The following TARM1 variants were observed in gnomAD, a reference collection of about 807,000 sequenced individuals.
TARM1 encodes T cell-interacting, activating receptor on myeloid cells 1.
TARM1 carries 24 observed loss-of-function variants against 30.4 expected under a neutral mutation model. The ratio of observed to expected loss-of-function variants is 0.79; its 90% CI spans 0.57 to 1.11. The LOEUF (loss-of-function observed/expected upper bound fraction) is 1.11, where lower values mean the gene tolerates loss of function less well. Ranked by LOEUF, TARM1 falls within the 50% of genes least tolerant of loss-of-function variation. The probability of loss-of-function intolerance (pLI) is 0.00; values close to 1 mark genes in which losing one functional copy is unlikely to be tolerated. For synonymous variants in TARM1, 129 were observed against 138.9 expected (o/e 0.93, Z 0.50); for missense variants, 323 against 332.8 (o/e 0.97, Z 0.23).
At position 54,070,102 on chromosome 19, in the gene TARM1, C is replaced by G; in HGVS notation, c.717G>C (p.Leu239=). The change falls in exon 5 of 5, where the codon CTG becomes CTC. Residue 239 remains leucine, a synonymous_variant. Transcript: ENST00000432826. ...YSLGNFVRLG[L]AAVIVVIMGA... Reference sequence around the variant, plus strand: ...CCATGATAACCACAATTACGGCAGCCAGACCCAGTCGTACGAAGTTACCCA... The same window carrying G: ...CCATGATAACCACAATTACGGCAGCGAGACCCAGTCGTACGAAGTTACCCA... The G allele has an allele frequency of 6.4e-7, 1 of 1,551,646 alleles. No homozygotes were observed. The highest frequency in any genetic ancestry group is 8.7e-7 in the Non-Finnish European group (1 of 1,146,990).
At chr19:54,080,319 A>G (rs779308897) in intron 1 of TARM1, among the ~76,000 whole-genome samples, 19 of 150,054 alleles carry the variant, frequency 1.3e-4, no homozygotes, top group East Asian at 4.0e-4. Context: ...AAAGCCGGGC[A>G]TGGTGGCGGG....
intron 4 of TARM1, 72 bp from the exon 5 acceptor site, chr19:54,070,232 T>G (rs1232410548): frequency 3.3e-6 from 5 of 1,496,230 alleles, no homozygotes; most frequent in Non-Finnish European, 3.6e-6. Context: ...CCACCAAATC[T>G]GACTATCATC....
In TARM1 at chr19:54,075,879, T is replaced by C; in HGVS notation, c.70+4A>G. 6.4e-7 allele frequency: 1 copy of C among 1,551,072 alleles called. No homozygotes were observed. On this transcript the variant is annotated splice_donor_region_variant and intron_variant, in intron 2 of 4. Transcript: ENST00000432826. ...AAGGAGGGTGTAGTTGAAGAAACAC[T>C]CACCATCTCCCCTTGTGTCTCCTTG...
chr19:54,074,713 C>T, intron 3 of TARM1, 111 bp downstream of exon 3: 1 of 1,168,644 alleles, frequency 8.6e-7, no homozygotes, highest in Non-Finnish European at 1.2e-6. Flanking sequence ...CTCTCCCTCT[C>T]CCACCACCCC....
intron 1 of TARM1, 109 bp downstream of exon 1, chr19:54,081,198 C>A (rs971432432): frequency 9.6e-7 from 1 of 1,042,702 alleles, no homozygotes; most frequent in African/African-American, 1.6e-5. Flanking sequence ...TCACTCCTCC[C>A]GTGTGCTCAG....
chr19:54,080,992 AAATAAAAT>A (rs1239408553), intron 1 of TARM1, among the ~76,000 whole-genome samples: 2 of 152,020 alleles, frequency 1.3e-5, no homozygotes, highest in Non-Finnish European at 2.9e-5. Context: ...AAATAAAATA[AAATAAAAT>A]AAGGTTTCTA....
chr19:54,079,092 TAA>T (rs1162488725), intron 1 of TARM1, among the ~76,000 whole-genome samples: 3,198 of 102,428 alleles, frequency 0.031, 151 homozygotes, highest in African/African-American at 0.11. Flanking sequence ...TTGTCTCTAC[TAA>T]AAAAAAAAAA....
rs2071885838 is a variant in TARM1 at position 54,074,185 on chromosome 19, G to A, written c.393C>T (p.Tyr131=). The A allele has an allele frequency of 1.9e-6, 3 of 1,551,534 alleles. No homozygotes were observed. ...CACCTGCGGTCACTGTACCCCTTTG[G>A]TAGGTTCGGAGGAAAGGTTTAGATA... ...GHLSKPFLRT[Y]QRGTVTAGGR... Residue 131 remains tyrosine, a synonymous_variant, in exon 4 of 5, where the codon TAC becomes TAT. Transcript: ENST00000432826.
chr19:54,081,332 A>G lies in TARM1; in HGVS notation c.9T>C (p.Pro3=), dbSNP rs1383464754. Residue 3 remains proline (P), a synonymous_variant, in exon 1 of 5, where the codon CCT becomes CCC. Transcript: ENST00000432826. MI[P]KLLSLLCFRL... ...TGAAACAGAGGAGGGAAAGCAGCTT[A>G]GGGATCATGATGGCTCCTTAGCCCT... is the stretch of plus-strand genomic sequence containing the variant. 3 of 1,544,284 alleles carry G rather than the reference A, an allele frequency of 1.9e-6. No homozygotes were observed. Among genetic ancestry groups the G allele is most frequent in the East Asian group, 2.5e-5 (1 of 39,994 alleles).
At chr19:54,076,320 C>CTT (rs1300135415) in intron 1 of TARM1, 64 of 892,214 alleles carry the variant, frequency 7.2e-5, no homozygotes, top group East Asian at 2.4e-4. Flanking sequence ...CTCGCTCTTT[C>CTT]TTTCTTTTTC....
At chr19:54,080,468 A>AAAAAG (rs1555775702) in intron 1 of TARM1, among the ~76,000 whole-genome samples, 9,303 of 111,546 alleles carry the variant, frequency 0.083, 1,492 homozygotes, top group African/African-American at 0.16. Flanking sequence ...AAAAAAAAAA[A>AAAAAG]AAAGAAAGAG....
At chr19:54,070,313 G>T (rs1295696219) in intron 4 of TARM1, among the ~76,000 whole-genome samples, 153 bp from the exon 5 acceptor site, 1 of 151,982 alleles carries the variant, frequency 6.6e-6, no homozygotes, top group Non-Finnish European at 1.5e-5. Flanking sequence ...GACCAGGCTG[G>T]AGTGCAGTGG....
chr19:54,080,010 G>C (rs1273784585), intron 1 of TARM1, among the ~76,000 whole-genome samples: 2 of 27,812 alleles, frequency 7.2e-5, no homozygotes, highest in African/African-American at 4.1e-4. Flanking sequence ...CTCAAAAAAA[G>C]GAAAAGGAGG....
At chr19:54,080,482 G>GAA (rs2072097115) in intron 1 of TARM1, among the ~76,000 whole-genome samples, 2 of 109,680 alleles carry the variant, frequency 1.8e-5, no homozygotes, top group Non-Finnish European at 3.6e-5. Flanking sequence ...GAAAGAGAGA[G>GAA]AGAGGAAGGA....
chr19:54,080,649 CTATT>C (rs777592677), intron 1 of TARM1, among the ~76,000 whole-genome samples: 22 of 151,956 alleles, frequency 1.4e-4, no homozygotes, highest in Non-Finnish European at 2.4e-4. Context: ...TTATAGTTAT[CTATT>C]TGACACTAAA....
rs1317219985 is a variant in TARM1, at chr19:54,070,000, G to T, written c.*3C>A. On this transcript the variant is annotated 3_prime_UTR_variant, in exon 5 of 5. Coordinates refer to ENST00000432826, the MANE Select transcript of TARM1 (RefSeq NM_001135686.3). ...GTTTACCCAGCCCCGGTTCAAGATG[G>T]AGTCACTCTGGTTTGAAGGCCTCTG... 13 of 1,550,048 alleles carry T rather than the reference G, an allele frequency of 8.4e-6. No homozygotes were observed. In the East Asian group the frequency reaches 2.9e-4, roughly 35 times the overall value.
chr19:54,076,445 C>T, intron 1 of TARM1: 1 of 458,280 alleles, frequency 2.2e-6, no homozygotes, highest in Non-Finnish European at 3.9e-6. Context: ...TCACTGCAAC[C>T]TCCGCCTCCC....
intron 4 of TARM1, among the ~76,000 whole-genome samples, chr19:54,073,367 C>A (rs2071858679): frequency 8.0e-6 from 1 of 125,578 alleles, no homozygotes. Flanking sequence ...GAAGATCGCG[C>A]CATTGCACTC....
intron 1 of TARM1, among the ~76,000 whole-genome samples, chr19:54,077,295 G>A (rs1228552259): frequency 3.3e-5 from 5 of 151,674 alleles, no homozygotes; most frequent in African/African-American, 9.7e-5. Context: ...GCAGAGAATC[G>A]CTTGAACCCA....
Sources: gnomAD v4.1 joint callset for allele counts (sites outside exome capture counted in the v4.1 genomes callset) on GRCh38, gnomAD v4.1.1 for gene constraint, MANE v1.5 for transcripts, NCBI Gene and HGNC (gene_info 2026-07-23, HGNC 2026-07-21) for gene names.